Variants in ABCA13 observed in about 807,000 individuals in gnomAD.
ABCA13 encodes ATP binding cassette subfamily A member 13.
Under a neutral mutation model 478.7 loss-of-function variants are expected in ABCA13, and 476 were observed. The ratio of observed to expected loss-of-function variants is 0.99; its 90% CI spans 0.92 to 1.07. The LOEUF (loss-of-function observed/expected upper bound fraction) is 1.07, where lower values mean the gene tolerates loss of function less well. Ranked by LOEUF, ABCA13 falls within the 50% of genes least tolerant of loss-of-function variation. The probability of loss-of-function intolerance (pLI) is 0.00; values close to 1 mark genes in which losing one functional copy is unlikely to be tolerated. For synonymous variants in ABCA13, 2,252 were observed against 2,158.9 expected (o/e 1.04, Z -1.20); for missense variants, 6,060 against 5,910.6 (o/e 1.03, Z -0.83).
chr7:48,427,283 T>G (rs1346620652), intron 41 of ABCA13, among the ~76,000 whole-genome samples: 1 of 152,248 alleles, frequency 6.6e-6, no homozygotes, highest in East Asian at 1.9e-4. Flanking sequence ...TTTGATTAAC[T>G]ACCTTAGTGA....
Position 48,310,109 on chromosome 7 carries a change from C to T in ABCA13, c.9484C>T (p.Arg3162Ter), listed in dbSNP as rs376273529. The T allele has an allele frequency of 1.6e-5, 25 of 1,612,748 alleles. No homozygotes were observed. The highest frequency in any genetic ancestry group is 4.4e-5 in the South Asian group (4 of 90,934). Residue 3162 changes from arginine (R) to a stop codon, truncating the protein, a stop_gained, in exon 24 of 62, where the codon CGA becomes TGA. Transcript: ENST00000435803. LOFTEE classifies it high-confidence loss of function. ...GTATTCTCTGATTGTGTTGCTGAGT[C>T]GAAACTTGGATGTGCGAGCTTTCAT... ...KVYSLIVLLS[R>*]NLDVRAFIYK...
intron 27 of ABCA13, among the ~76,000 whole-genome samples, chr7:48,328,560 C>T (rs1181951751): frequency 1.3e-5 from 2 of 152,202 alleles, no homozygotes; most frequent in Middle Eastern, 3.4e-3. Flanking sequence ...TAGATAATAT[C>T]CAAACCCTCA....
intron 31 of ABCA13, among the ~76,000 whole-genome samples, chr7:48,356,528 A>G (rs1379530441): frequency 2.0e-5 from 3 of 151,870 alleles, no homozygotes; most frequent in African/African-American, 2.4e-5. Context: ...GAGACCTACT[A>G]TAGGTGGGAA....
chr7:48,344,613 T>C (rs1051138084), intron 29 of ABCA13, among the ~76,000 whole-genome samples: 10 of 152,206 alleles, frequency 6.6e-5, no homozygotes, highest in African/African-American at 2.2e-4. Flanking sequence ...CCTGTGTTTC[T>C]TTACCACATA....
At chr7:48,283,065 G>T (rs546150603) in intron 19 of ABCA13, among the ~76,000 whole-genome samples, 1 of 152,282 alleles carries the variant, frequency 6.6e-6, no homozygotes, top group African/African-American at 2.4e-5. Flanking sequence ...GCATGTTCTG[G>T]GCCTATTTTG....
chr7:48,291,728 T>G (rs1327165345), intron 20 of ABCA13, among the ~76,000 whole-genome samples: 1 of 152,150 alleles, frequency 6.6e-6, no homozygotes, highest in African/African-American at 2.4e-5. Flanking sequence ...ACAACTTTGT[T>G]ACGTAAAAGT....
At chr7:48,320,076 A>C (rs963795875) in intron 27 of ABCA13, among the ~76,000 whole-genome samples, 2 of 152,202 alleles carry the variant, frequency 1.3e-5, no homozygotes, top group African/African-American at 2.4e-5. Context: ...AATGATGGCC[A>C]AAACTTCTAG....
chr7:48,605,617 C>T (rs182803803), intron 58 of ABCA13, among the ~76,000 whole-genome samples: 2 of 152,256 alleles, frequency 1.3e-5, no homozygotes, highest in East Asian at 3.9e-4. Flanking sequence ...TTGGGTAACC[C>T]GACTTTTCTC....
chr7:48,452,074 C>A (rs1825111179), intron 42 of ABCA13, among the ~76,000 whole-genome samples: 1 of 152,080 alleles, frequency 6.6e-6, no homozygotes, highest in Non-Finnish European at 1.5e-5. Flanking sequence ...CTTTATTTTT[C>A]TCATTTATGT....
chr7:48,229,749 A>C, intron 6 of ABCA13, 76 bp from the exon 7 acceptor site: 1 of 1,560,956 alleles, frequency 6.4e-7, no homozygotes, highest in East Asian at 2.2e-5. Flanking sequence ...CATGGGATGT[A>C]AGTAAACCTA....
intron 15 of ABCA13, among the ~76,000 whole-genome samples, chr7:48,256,652 G>A (rs769067578): frequency 6.6e-5 from 10 of 151,964 alleles, no homozygotes; most frequent in African/African-American, 9.6e-5. Flanking sequence ...ATTCTGTTCC[G>A]TTGGTATATG....
intron 30 of ABCA13, 33 bp downstream of exon 30, chr7:48,350,852 G>A (rs757388127): frequency 3.9e-5 from 62 of 1,591,590 alleles, no homozygotes; most frequent in Non-Finnish European, 4.7e-5. Flanking sequence ...TGTTCGCCAA[G>A]ATGCCAACTC....
chr7:48,573,952 A>G (rs1295401809), intron 55 of ABCA13, among the ~76,000 whole-genome samples: 1 of 151,978 alleles, frequency 6.6e-6, no homozygotes, highest in African/African-American at 2.4e-5. Flanking sequence ...CCCTCTATAT[A>G]TGTGTCTGTG....
At chr7:48,290,719 A>G (rs1223125369) in intron 20 of ABCA13, among the ~76,000 whole-genome samples, 1 of 152,116 alleles carries the variant, frequency 6.6e-6, no homozygotes, top group Non-Finnish European at 1.5e-5. Context: ...ATAAGGGAAT[A>G]CTCCATGGCA....
At chr7:48,603,472 A>T (rs1197802958) in intron 58 of ABCA13, among the ~76,000 whole-genome samples, 4 of 152,172 alleles carry the variant, frequency 2.6e-5, no homozygotes, top group Admixed American at 2.6e-4. Flanking sequence ...CTTTTTCTGC[A>T]TCTATTGAGA....
intron 3 of ABCA13, among the ~76,000 whole-genome samples, chr7:48,202,349 A>G (rs926106154): frequency 1.3e-5 from 2 of 152,180 alleles, no homozygotes; most frequent in African/African-American, 4.8e-5. Flanking sequence ...AGTTAGATAC[A>G]GAGTATTGAC....
rs1795996165 is a variant in ABCA13, at chr7:48,274,226, A to G, written c.4560A>G (p.Arg1520=). The change falls in exon 17 of 62, where the codon AGA becomes AGG. Residue 1520 remains arginine, a synonymous_variant. Transcript: ENST00000435803. The part of the protein sequence containing the change: ...DFDFASQSNW[R]YFTELILRPI... The stretch of plus-strand genomic sequence containing the variant: ...ATTTTGCATCTCAGTCCAATTGGAG[A>G]TATTTTACTGAATTAATTCTAAGAC... 1.9e-6 allele frequency: 3 copies of G among 1,613,150 alleles called. No homozygotes were observed. Among genetic ancestry groups the G allele is most frequent in the Non-Finnish European group, 2.5e-6 (3 of 1,179,516 alleles).
At chr7:48,399,093 TAAAG>T (rs1418353821) in intron 38 of ABCA13, among the ~76,000 whole-genome samples, 1 of 152,096 alleles carries the variant, frequency 6.6e-6, no homozygotes, top group Non-Finnish European at 1.5e-5. Context: ...TAGAGTCAGT[TAAAG>T]AAAGAGCGGA....
intron 47 of ABCA13, among the ~76,000 whole-genome samples, chr7:48,484,131 T>G (rs951306382): frequency 2.6e-5 from 4 of 152,224 alleles, no homozygotes; most frequent in Non-Finnish European, 5.9e-5. Context: ...ATGCACATGT[T>G]GGAGGTTTAT....
Sources: allele counts gnomAD v4.1 joint callset (sites outside exome capture counted in the v4.1 genomes callset), GRCh38; gene constraint gnomAD v4.1.1; transcripts MANE v1.5; gene names NCBI Gene and HGNC (gene_info 2026-07-23, HGNC 2026-07-21).